The following MYOCOS variants were observed in gnomAD, a reference collection of about 807,000 sequenced individuals.
MYOCOS encodes myocilin opposite strand protein.
chr1:171,605,394 C>CACAA lies in MYOCOS; in HGVS notation c.-252+4315_-252+4316insCAAA, dbSNP rs376886204. 3.1e-3 allele frequency among the ~76,000 whole-genome samples: 391 copies of CACAA among 127,520 alleles called. 2 individuals are homozygous for CACAA. The highest frequency in any genetic ancestry group is 0.013 in the African/African-American group (354 of 26,874). 83.7% of individuals were successfully genotyped at this position (127,520 alleles called of 152,430 possible). A position where few individuals can be genotyped will look rare whatever the true frequency, so the allele number is the denominator to read the frequency against. Reference sequence around the variant, plus strand: ...AGTACCACACACACACACACACACACAAAAAAAAAAAAACAGTTACATGAT... The same window carrying CACAA: ...AGTACCACACACACACACACACACACACAAAAAAAAAAAAAAACAGTTACATGAT... On this transcript the variant is annotated intron_variant, in intron 1 of 3. Coordinates refer to the MYOCOS transcript ENST00000636697.
intron 2 of MYOCOS, among the ~76,000 whole-genome samples, chr1:171,624,494 T>C (rs1340520849): frequency 6.6e-6 from 1 of 151,726 alleles, no homozygotes; most frequent in Non-Finnish European, 1.5e-5. Flanking sequence ...TCGCCCAGGC[T>C]GGAGCAATCT....
chr1:171,615,293 T>C (rs1003426771), intron 2 of MYOCOS, among the ~76,000 whole-genome samples: 10 of 152,148 alleles, frequency 6.6e-5, no homozygotes, highest in Non-Finnish European at 1.2e-4. Context: ...GTGGAGGTGA[T>C]AAGAAGTGGC....
chr1:171,605,756 C>G (rs533523084), intron 1 of MYOCOS, among the ~76,000 whole-genome samples: 1 of 152,292 alleles, frequency 6.6e-6, no homozygotes, highest in East Asian at 1.9e-4. Flanking sequence ...AAGCCTGCCA[C>G]TTAGGCACAA....
chr1:171,624,046 G>A (rs1652630557), intron 2 of MYOCOS, 68 bp downstream of exon 2: 1 of 398,546 alleles, frequency 2.5e-6, no homozygotes. Context: ...GCCCCAGCAA[G>A]TGCCTGAAAC....
intron 1 of MYOCOS, among the ~76,000 whole-genome samples, chr1:171,613,979 C>T (rs933176350): frequency 6.6e-6 from 1 of 152,158 alleles, no homozygotes; most frequent in Non-Finnish European, 1.5e-5. Flanking sequence ...TTCTCAAATT[C>T]ATCAATAGCA....
rs534100082 is a variant in MYOCOS, at chr1:171,623,944, G to A, written c.61G>A (p.Glu21Lys). 19 of 398,430 alleles carry A rather than the reference G, an allele frequency of 4.8e-5. No individual in the cohort carries two copies. The highest frequency in any genetic ancestry group is 7.5e-5 in the Non-Finnish European group (17 of 226,072). 24.7% of individuals were successfully genotyped at this position (398,430 alleles called of 1,614,324 possible). ...TCTCCCCTACAAGGACTTGACCTCC[G>A]AGGTAACCAGGCGCCGAGTCACCAT... ...INLPYKDLTS[E>K]VTRRRVTMIT... Residue 21 changes from glutamate (E) to lysine (K), a missense_variant, in exon 2 of 3, where the codon GAG becomes AAG. Coordinates refer to ENST00000637642, the MANE Select transcript of MYOCOS (RefSeq NM_001391940.1).
intron 1 of MYOCOS, among the ~76,000 whole-genome samples, chr1:171,612,756 G>A (rs1337423322): frequency 1.3e-5 from 2 of 152,144 alleles, no homozygotes; most frequent in African/African-American, 4.8e-5. Context: ...CTTGAACCTG[G>A]GAGGCGGAGG....
At chr1:171,610,009 C>G (rs1652327351) in intron 1 of MYOCOS, among the ~76,000 whole-genome samples, 1 of 152,234 alleles carries the variant, frequency 6.6e-6, no homozygotes, top group African/African-American at 2.4e-5. Context: ...TCACATGGGT[C>G]TCTCCACAGG....
intron 1 of MYOCOS, among the ~76,000 whole-genome samples, chr1:171,608,818 C>T (rs915176887): frequency 2.6e-5 from 4 of 152,040 alleles, no homozygotes; most frequent in South Asian, 2.1e-4. Context: ...CATTCTCTGC[C>T]GAGGGCAATT....
intron 1 of MYOCOS, among the ~76,000 whole-genome samples, chr1:171,605,213 C>T (rs1424506131): frequency 6.6e-6 from 1 of 151,944 alleles, no homozygotes; most frequent in Non-Finnish European, 1.5e-5. Context: ...CCTACAGACC[C>T]AGTTCCTGAT....
chr1:171,603,676 A>C (rs235890), intron 1 of MYOCOS, among the ~76,000 whole-genome samples: 98,091 of 152,194 alleles, frequency 0.64, 31,823 homozygotes, highest in Middle Eastern at 0.72. Context: ...CCTGACCTGA[A>C]AAAACTCTTT....
intron 1 of MYOCOS, among the ~76,000 whole-genome samples, chr1:171,602,780 T>A (rs1652168022): frequency 6.6e-6 from 1 of 152,188 alleles, no homozygotes. Context: ...TTTAACTTTC[T>A]TTGGTCTAAA....
chr1:171,616,873 T>C (rs773339322), intron 2 of MYOCOS, among the ~76,000 whole-genome samples: 3 of 152,196 alleles, frequency 2.0e-5, no homozygotes, highest in Non-Finnish European at 4.4e-5. Context: ...ATCACAGCCA[T>C]GTAGCCATAA....
chr1:171,624,013 G>T (rs1652627402), intron 2 of MYOCOS, 35 bp downstream of exon 2: 1 of 398,602 alleles, frequency 2.5e-6, no homozygotes, highest in Non-Finnish European at 4.4e-6. Context: ...CGCTTGTGGG[G>T]TTGGGACGGA....
chr1:171,619,980 T>A (rs1237548407), upstream of MYOCOS, among the ~76,000 whole-genome samples: 1 of 150,636 alleles, frequency 6.6e-6, no homozygotes, highest in Non-Finnish European at 1.5e-5. Context: ...GTTTTGGGAT[T>A]CAGACTGGCA....
At chr1:171,609,851 G>A (rs1381030853) in intron 1 of MYOCOS, among the ~76,000 whole-genome samples, 1 of 152,192 alleles carries the variant, frequency 6.6e-6, no homozygotes, top group African/African-American at 2.4e-5. Flanking sequence ...TGCAGGTGCA[G>A]CTTAACTAGA....
Position 171,626,543 on chromosome 1 carries a change from A to ACCTCACAGTACCTC in MYOCOS, c.187_200dup (p.Ala68SerfsTer21). On this transcript the variant is annotated frameshift_variant, in exon 3 of 3. Coordinates refer to ENST00000637642, the MANE Select transcript of MYOCOS (RefSeq NM_001391940.1). LOFTEE classifies it low-confidence loss of function (END_TRUNC). ...CAAGCCCCTCCCCCTCACAGGACCT[A>ACCTCACAGTACCTC]CCTCACAGTACCTCCTGCCCCACCT... 2.5e-6 allele frequency: 1 copy of ACCTCACAGTACCTC among 398,598 alleles called. No individual in the cohort carries two copies. Among genetic ancestry groups the ACCTCACAGTACCTC allele is most frequent in the Non-Finnish European group, 4.4e-6 (1 of 226,046 alleles). The allele number at this position is 398,598 out of a possible 1,614,324, so 24.7% of individuals were successfully genotyped here.
intron 1 of MYOCOS, among the ~76,000 whole-genome samples, chr1:171,601,794 G>C (rs1462496908): frequency 6.6e-6 from 1 of 152,174 alleles, no homozygotes; most frequent in Admixed American, 6.5e-5. Flanking sequence ...TAAGAGAACA[G>C]CAGCATAAGC....
At chr1:171,609,544 G>A (rs1652317420) in intron 1 of MYOCOS, among the ~76,000 whole-genome samples, 1 of 152,224 alleles carries the variant, frequency 6.6e-6, no homozygotes, top group Non-Finnish European at 1.5e-5. Context: ...CACTGGGAAT[G>A]ATGGTGAGAC....
Sources: allele counts gnomAD v4.1 joint callset (sites outside exome capture counted in the v4.1 genomes callset), GRCh38; gene constraint gnomAD v4.1.1; transcripts MANE v1.5; gene names NCBI Gene and HGNC (gene_info 2026-07-23, HGNC 2026-07-21).